The following NCAPD2 variants were observed in gnomAD, a reference collection of about 807,000 sequenced individuals.
NCAPD2 encodes condensin complex subunit 1.
NCAPD2 carries 100 observed loss-of-function variants against 164.5 expected under a neutral mutation model. The ratio of observed to expected loss-of-function variants is 0.61; its 90% CI spans 0.52 to 0.72. The LOEUF (loss-of-function observed/expected upper bound fraction) is 0.72, where lower values mean the gene tolerates loss of function less well. NCAPD2 is among the 30% of genes least tolerant of loss of function. The pLI is 0.00. For missense variants in NCAPD2, 1,560 were observed against 1,749.2 expected (o/e 0.89, Z 1.93); for synonymous variants, 585 against 642.6 (o/e 0.91, Z 1.36).
At position 6,503,577 on chromosome 12, in the gene NCAPD2, C is replaced by G. The variant is rs527798532; in HGVS notation, c.128-6140C>G. ...ACAAGGTCAGGAGTTCGAGACCAGC[C>G]TGGCCAATATGGTGAAACCCCGTCT... On this transcript the variant is annotated intron_variant, in intron 2 of 31. Transcript: ENST00000315579. Among the ~76,000 whole-genome samples, 6 of 152,144 alleles carry G rather than the reference C, an allele frequency of 3.9e-5. No homozygotes were observed. In the South Asian group the frequency reaches 1.2e-3, roughly 32 times the overall value.
chr12:6,528,863 G>A lies in NCAPD2; in HGVS notation c.3477+7G>A, dbSNP rs746915883. ...CAATGAGCTCTCCCACAAGGTGAGA[G>A]GCAGAGAGGCACTGAGGGCTGGCTG... On this transcript the variant is annotated splice_region_variant and intron_variant, in intron 26 of 31. Transcript: ENST00000315579. This position sits in a 1 kb window ranked among gnomAD's most constrained non-coding sequence, Gnocchi z 5.1. 22 of 1,612,940 alleles carry A rather than the reference G, an allele frequency of 1.4e-5. No homozygotes were observed. Among genetic ancestry groups the A allele is most frequent in the Admixed American group, 5.0e-5 (3 of 59,998 alleles).
At chr12:6,509,833 G>T in intron 3 of NCAPD2, 41 bp downstream of exon 3, 1 of 1,592,756 alleles carries the variant, frequency 6.3e-7, no homozygotes, top group South Asian at 1.1e-5. Flanking sequence ...AAGAACTGGT[G>T]ACTGTTTGTC....
At chr12:6,518,030 ATGT>A in intron 13 of NCAPD2, 71 bp downstream of exon 13, 1 of 1,465,084 alleles carries the variant, frequency 6.8e-7, no homozygotes, top group Non-Finnish European at 9.4e-7. Context: ...AACTTACATA[ATGT>A]GTCTTTTAAA....
At chr12:6,513,735 T>TTTTTTTGA (rs1343281456) in intron 6 of NCAPD2, among the ~76,000 whole-genome samples, 1 of 92,820 alleles carries the variant, frequency 1.1e-5, no homozygotes, top group Non-Finnish European at 2.2e-5. Context: ...TTTTTTTTTG[T>TTTTTTTGA]GATGGAGTCT....
chr12:6,530,565 G>C, intron 29 of NCAPD2, 126 bp from the exon 30 acceptor site: 1 of 1,187,698 alleles, frequency 8.4e-7, no homozygotes, highest in South Asian at 1.5e-5. Context: ...ATCCGGTATG[G>C]AGCCTTCTCA....
chr12:6,526,861 T>C lies in NCAPD2; in HGVS notation c.2735-30T>C, dbSNP rs556685384. On this transcript the variant is annotated intron_variant, in intron 21 of 31. Transcript: ENST00000315579. ...TTGATGGGACTTAAAAATGTCTCTT[T>C]GCCCCACCTTCCCTCTCCCTCTCCT... is the stretch of plus-strand genomic sequence containing the variant. 1.2e-5 allele frequency: 19 copies of C among 1,578,794 alleles called. 1 individual carries two copies. The South Asian group carries it at 2.2e-4, about 18-fold the overall frequency.
intron 5 of NCAPD2, 68 bp downstream of exon 5, chr12:6,510,878 G>T: frequency 9.9e-6 from 15 of 1,521,624 alleles, no homozygotes; most frequent in Non-Finnish European, 1.3e-5. Context: ...GGAAAAGAAG[G>T]GAATCCAATG....
chr12:6,522,580 G>A (rs1946273972), intron 15 of NCAPD2, among the ~76,000 whole-genome samples: 1 of 150,852 alleles, frequency 6.6e-6, no homozygotes, highest in Non-Finnish European at 1.5e-5. Flanking sequence ...ATAAGAACCT[G>A]TGTCTTAAGA....
intron 10 of NCAPD2, 152 bp from the exon 11 acceptor site, chr12:6,517,213 T>G: frequency 7.7e-7 from 1 of 1,293,100 alleles, no homozygotes; most frequent in Non-Finnish European, 1.1e-6. Context: ...GTAATGTGTC[T>G]TACCACTACA....
At position 6,528,136 on chromosome 12, in the gene NCAPD2, G is replaced by T. The variant is rs1372582805; in HGVS notation, c.3144-37G>T. ...CCCCCTTCTCAAGGAAGATGGGGAT[G>T]AAATGGCTTCCCTAATGATCCTCTT... On this transcript the variant is annotated intron_variant, in intron 24 of 31. Transcript: ENST00000315579. This position sits in a 1 kb window ranked among gnomAD's most constrained non-coding sequence, Gnocchi z 5.1. 2 of 1,614,104 alleles carry T rather than the reference G, an allele frequency of 1.2e-6. No individual in the cohort carries two copies. The highest frequency in any genetic ancestry group is 1.7e-6 in the Non-Finnish European group (2 of 1,180,044).
rs1410289965 is a variant in NCAPD2 at position 6,528,953 on chromosome 12, A to G, written c.3486A>G (p.Ala1162=). The change falls in exon 27 of 32, where the codon GCA becomes GCG. Residue 1162 remains alanine, a synonymous_variant. Transcript: ENST00000315579. The surrounding 1 kb of genome is among the most constrained non-coding windows in gnomAD (Gnocchi z 5.1). The part of the protein sequence containing the change: ...FFNELSHKGN[A]IYNLLPDIIS... Reference sequence around the variant, plus strand: ...CTCTCTCTGTCTTACAGGGCAACGCAATCTATAATCTCCTTCCAGATATCA... The same window carrying G: ...CTCTCTCTGTCTTACAGGGCAACGCGATCTATAATCTCCTTCCAGATATCA... 6 of 1,614,084 alleles carry G rather than the reference A, an allele frequency of 3.7e-6. No individual in the cohort carries two copies. Among genetic ancestry groups the G allele is most frequent in the Non-Finnish European group, 5.1e-6 (6 of 1,180,008 alleles).
rs911040262 is a variant in NCAPD2, at chr12:6,515,555, TCAAA to T, written c.987+639_987+642del. 2.0e-5 allele frequency among the ~76,000 whole-genome samples: 3 copies of T among 152,284 alleles called. No individual in the cohort carries two copies. The East Asian group carries it at 5.8e-4, about 29-fold the overall frequency. On this transcript the variant is annotated intron_variant, in intron 9 of 31. Coordinates refer to ENST00000315579, the MANE Select transcript of NCAPD2 (RefSeq NM_014865.4). ...CCACCAGCTGGCTTGCCTTGCTTCCTCAAACAATGAACTTTCTCAAATCAACCCA... is the reference window on the plus strand; with the variant it reads ...CCACCAGCTGGCTTGCCTTGCTTCCTCAATGAACTTTCTCAAATCAACCCA...
chr12:6,531,052 T>G lies in NCAPD2; in HGVS notation c.4096T>G (p.Ser1366Ala). 6.2e-7 allele frequency: 1 copy of G among 1,613,752 alleles called. No individual in the cohort carries two copies. Among genetic ancestry groups the G allele is most frequent in the Non-Finnish European group, 8.5e-7 (1 of 1,180,024 alleles). ...CAAAAAGAAACCCAAAGTTGTCTTC[T>G]CAAGTGATGAGTCCAGTGAGGAAGG... ...ASKKKPKVVF[S>A]SDESSEEDLS... Residue 1366 changes from serine to alanine, a missense_variant, in exon 31 of 32, where the codon TCA (serine) becomes GCA (alanine). Transcript: ENST00000315579. The surrounding 1 kb of genome is among the most constrained non-coding windows in gnomAD (Gnocchi z 4.1).
At chr12:6,498,612 A>G (rs918796560) in intron 2 of NCAPD2, among the ~76,000 whole-genome samples, 2 of 146,892 alleles carry the variant, frequency 1.4e-5, no homozygotes, top group African/African-American at 4.9e-5. Context: ...ATTAACAACA[A>G]TTCTTTTTTT....
At position 6,514,313 on chromosome 12, in the gene NCAPD2, T is replaced by TCACCAGAAGAACCGCCC; in HGVS notation, c.640_656dup (p.Glu221ArgfsTer9). The TCACCAGAAGAACCGCCC allele has an allele frequency of 1.2e-6, 2 of 1,614,160 alleles. No homozygotes were observed. Among genetic ancestry groups the TCACCAGAAGAACCGCCC allele is most frequent in the Non-Finnish European group, 1.7e-6 (2 of 1,180,032 alleles). ...GCCTTCTGGAGAATCCCACCATTAA[T>TCACCAGAAGAACCGCCC]CACCAGAAGAACCGCCCCACTCGGG... On this transcript the variant is annotated frameshift_variant, in exon 7 of 32. Coordinates refer to ENST00000315579, the MANE Select transcript of NCAPD2 (RefSeq NM_014865.4). LOFTEE classifies it high-confidence loss of function.
intron 18 of NCAPD2, 125 bp from the exon 19 acceptor site, chr12:6,525,942 GC>G: frequency 7.4e-7 from 1 of 1,350,706 alleles, no homozygotes; most frequent in Admixed American, 2.3e-5. Context: ...CTGCGGCAGA[GC>G]CACGCTATAG....
At position 6,522,899 on chromosome 12, in the gene NCAPD2, C is replaced by T. The variant is rs765575100; in HGVS notation, c.2026C>T (p.Arg676Cys). The change falls in exon 16 of 32, where the codon CGC becomes TGC. Residue 676 changes from arginine to cysteine, a missense_variant. Coordinates refer to ENST00000315579, the MANE Select transcript of NCAPD2 (RefSeq NM_014865.4). ...FGVPQALFGVRRMLPLIWSKE... is the reference protein window; with the variant it reads ...FGVPQALFGVCRMLPLIWSKE... The stretch of plus-strand genomic sequence containing the variant: ...GGTACCCCAGGCCCTGTTTGGGGTG[C>T]GCCGTATGCTGCCTCTCATCTGGTC... 45 of 1,613,962 alleles carry T rather than the reference C, an allele frequency of 2.8e-5. No homozygotes were observed. In the East Asian group the frequency reaches 3.1e-4, roughly 11 times the overall value.
rs1399955129 is a variant in NCAPD2 at position 6,526,169 on chromosome 12, A to T, written c.2450A>T (p.His817Leu). Reference protein sequence around the residue: ...QDYRLAQQVCHAIANISDRRK... With the variant: ...QDYRLAQQVCLAIANISDRRK... Reference sequence around the variant, plus strand: ...TACAGGCTGGCCCAGCAGGTGTGCCATGCCATTGCCAACATCTCGGACAGG... The same window carrying T: ...TACAGGCTGGCCCAGCAGGTGTGCCTTGCCATTGCCAACATCTCGGACAGG... The change falls in exon 19 of 32, where the codon CAT (histidine) becomes CTT (leucine). Residue 817 changes from histidine to leucine, a missense_variant. Physicochemically the swap from His to Leu is moderately conservative, Grantham distance 99. Transcript: ENST00000315579. 1.3e-5 allele frequency: 21 copies of T among 1,614,082 alleles called. No homozygotes were observed. The highest frequency in any genetic ancestry group is 4.0e-5 in the African/African-American group (3 of 74,928).
intron 2 of NCAPD2, among the ~76,000 whole-genome samples, chr12:6,504,212 T>TATATATATAG (rs1946075081): frequency 9.2e-5 from 2 of 21,736 alleles, no homozygotes; most frequent in Admixed American, 5.6e-4. Flanking sequence ...TATATATATA[T>TATATATATAG]ATATAGATAT....
Sources: allele counts gnomAD v4.1 joint callset (sites outside exome capture counted in the v4.1 genomes callset), GRCh38; gene constraint gnomAD v4.1.1; non-coding constraint Gnocchi (gnomAD v3.1); transcripts MANE v1.5; gene names NCBI Gene and HGNC (gene_info 2026-07-23, HGNC 2026-07-21).